Variants in FRMPD4 observed in about 807,000 individuals in gnomAD.
FRMPD4 encodes the protein FERM and PDZ domain-containing protein 4.
A neutral mutation model predicts 94.1 loss-of-function variants in FRMPD4; 22 were observed. The ratio of observed to expected loss-of-function variants is 0.23; its 90% CI spans 0.17 to 0.33. The LOEUF (loss-of-function observed/expected upper bound fraction) is 0.33. Among genes scored for constraint, FRMPD4 ranks in the 10% least tolerant of loss-of-function variants. The probability of loss-of-function intolerance (pLI) is 1.00; values close to 1 mark genes in which losing one functional copy is unlikely to be tolerated. For missense variants in FRMPD4, 1,111 were observed against 1,339.9 expected, an observed-to-expected ratio of 0.83 and a Z score of 2.67; for synonymous variants, 631 against 548.6, an observed-to-expected ratio of 1.15 and a Z score of -2.10.
chrX:12,133,890 C>G (rs759868219), upstream of FRMPD4, among the ~76,000 whole-genome samples: 15 of 112,169 alleles, frequency 1.3e-4, no homozygotes, highest in African/African-American at 4.9e-4. Context: ...CATGGCTTCC[C>G]GTCTCATACC....
intron 1 of FRMPD4, among the ~76,000 whole-genome samples, chrX:12,386,999 CAAACAAAACAT>C (rs2056405349): frequency 8.9e-6 from 1 of 111,785 alleles, no homozygotes; most frequent in South Asian, 3.7e-4. Context: ...CAATTCTTGG[CAAACAAAACAT>C]AAAGAGAAGC....
chrX:12,429,574 G>A (rs188768603), intron 1 of FRMPD4, among the ~76,000 whole-genome samples: 2 of 111,572 alleles, frequency 1.8e-5, no homozygotes, highest in African/African-American at 6.5e-5. Context: ...CTGTAGTTGG[G>A]GGTATAGTTG....
chrX:12,489,887 A>C (rs908448688), intron 1 of FRMPD4, among the ~76,000 whole-genome samples: 1 of 111,799 alleles, frequency 8.9e-6, no homozygotes, highest in Non-Finnish European at 1.9e-5. Flanking sequence ...GACAACGTCC[A>C]GGTTGGGTGA....
chrX:12,714,700 G>A (rs868672444), intron 14 of FRMPD4, among the ~76,000 whole-genome samples: 4 of 111,151 alleles, frequency 3.6e-5, no homozygotes, highest in African/African-American at 9.8e-5. Context: ...CTAAACCCGC[G>A]TTACAATGCA....
At chrX:12,335,533 G>A (rs2055504453) in intron 1 of FRMPD4, among the ~76,000 whole-genome samples, 2 of 111,532 alleles carry the variant, frequency 1.8e-5, no homozygotes, top group African/African-American at 3.3e-5. Flanking sequence ...CACAAGGAAT[G>A]TATTATAAGC....
rs754412977 is a variant in FRMPD4 at position 12,716,220 on chromosome X, G to A, written c.1761G>A (p.Met587Ile). Residue 587 changes from methionine (M) to isoleucine (I), a missense_variant, in exon 15 of 17, where the codon ATG becomes ATA. By Grantham distance (10) the Met-to-Ile change is conservative. Around this residue, in one of 8 missense-constraint regions of FRMPD4, gnomAD observed 192 missense variants for 192.5 expected, o/e 1.00. Transcript: ENST00000675598. The stretch of plus-strand genomic sequence containing the variant: ...CGGTGGAGATCACAGACAGCACCAT[G>A]TGTCCAAAAGAGCACCGGCACTTGT... ...QKTVEITDST[M>I]CPKEHRHLYI... 58 of 1,207,453 alleles carry A rather than the reference G, an allele frequency of 4.8e-5. No individual in the cohort carries two copies. In the Middle Eastern group the frequency reaches 6.9e-4, roughly 14 times the overall value.
chrX:12,523,862 AAAAG>A (rs2058191151), intron 2 of FRMPD4, among the ~76,000 whole-genome samples: 1 of 111,326 alleles, frequency 9.0e-6, no homozygotes. Flanking sequence ...AAAAAAAAAA[AAAAG>A]AACACCTGCT....
intron 2 of FRMPD4, among the ~76,000 whole-genome samples, chrX:12,564,204 C>G (rs1451005545): frequency 1.3e-4 from 15 of 112,300 alleles, no homozygotes; most frequent in African/African-American, 4.2e-4. Flanking sequence ...TAAGGCTCCA[C>G]CTCCAAATTC....
At chrX:12,044,727 G>T (rs1015146444) in intron 3 of FRMPD4, among the ~76,000 whole-genome samples, 27 of 111,689 alleles carry the variant, frequency 2.4e-4, no homozygotes, top group African/African-American at 7.5e-4. Flanking sequence ...ATCAGTGCAG[G>T]TCCGACTATT....
chrX:12,421,089 A>ACTAT (rs1429410569), intron 1 of FRMPD4, among the ~76,000 whole-genome samples: 1 of 111,973 alleles, frequency 8.9e-6, no homozygotes, highest in African/African-American at 3.3e-5. Flanking sequence ...TGCATGAAAG[A>ACTAT]CTATCTGCGT....
At position 12,710,386 on chromosome X, in the gene FRMPD4, C is replaced by A; in HGVS notation, c.1471-13C>A. The A allele has an allele frequency of 8.4e-7, 1 of 1,191,760 alleles. No individual in the cohort carries two copies. The highest frequency in any genetic ancestry group is 1.1e-6 in the Non-Finnish European group (1 of 880,892). ...AATGGATGGCTTTAACCAAAGTGTT[C>A]TCTTTTGTGTAGCCTATCACGCTTC... On this transcript the variant is annotated splice_polypyrimidine_tract_variant and intron_variant, in intron 13 of 16. Transcript: ENST00000675598.
intron 3 of FRMPD4, among the ~76,000 whole-genome samples, chrX:11,933,930 C>T (rs2054136046): frequency 8.9e-6 from 1 of 112,015 alleles, no homozygotes; most frequent in African/African-American, 3.2e-5. Context: ...CTGAACTCTT[C>T]AGAAGAGAAC....
chrX:12,021,892 G>C (rs1389451337), intron 3 of FRMPD4, among the ~76,000 whole-genome samples: 1 of 112,597 alleles, frequency 8.9e-6, no homozygotes, highest in African/African-American at 3.2e-5. Flanking sequence ...TACTGGTTGA[G>C]ACCTTCAGCA....
intron 1 of FRMPD4, among the ~76,000 whole-genome samples, chrX:12,262,409 G>A (rs1272505784): frequency 9.0e-6 from 1 of 111,251 alleles, no homozygotes; most frequent in Non-Finnish European, 1.9e-5. Context: ...CATGTATCTG[G>A]CCCTATACAG....
chrX:12,259,614 C>A (rs2054163818), intron 1 of FRMPD4, among the ~76,000 whole-genome samples: 1 of 111,504 alleles, frequency 9.0e-6, no homozygotes, highest in South Asian at 3.8e-4. Flanking sequence ...TTACACAGTT[C>A]TAGGAAACGA....
intron 2 of FRMPD4, among the ~76,000 whole-genome samples, chrX:12,558,866 T>C (rs1286887922): frequency 8.9e-6 from 1 of 112,053 alleles, no homozygotes; most frequent in Non-Finnish European, 1.9e-5. Flanking sequence ...TGCCTGTGAA[T>C]AGCCACTGCA....
chrX:12,111,658 T>TG (rs1223780373), intron 3 of FRMPD4, among the ~76,000 whole-genome samples: 1 of 111,752 alleles, frequency 8.9e-6, no homozygotes, highest in Non-Finnish European at 1.9e-5. Context: ...AGAAAATTTT[T>TG]GCAAACTACT....
At chrX:11,951,087 A>G (rs1221235105) in intron 3 of FRMPD4, among the ~76,000 whole-genome samples, 1 of 109,667 alleles carries the variant, frequency 9.1e-6, no homozygotes, top group African/African-American at 3.3e-5. Context: ...AAAAGGAAAA[A>G]AACAACAGAT....
At chrX:12,508,002 A>C (rs902303931) in intron 2 of FRMPD4, among the ~76,000 whole-genome samples, 3 of 112,108 alleles carry the variant, frequency 2.7e-5, no homozygotes, top group African/African-American at 9.7e-5. Flanking sequence ...TGCTGAATAC[A>C]AGTGCAAATA....
Sources: allele counts gnomAD v4.1 joint callset (sites outside exome capture counted in the v4.1 genomes callset), GRCh38; gene constraint gnomAD v4.1.1; regional missense constraint gnomAD v4.1.1; transcripts MANE v1.5; gene names NCBI Gene and HGNC (gene_info 2026-07-23, HGNC 2026-07-21).